PDCD10: variants seen among roughly 807,000 people sequenced by gnomAD.
PDCD10 encodes the protein programmed cell death protein 10.
In PDCD10, 4 loss-of-function variants were observed where a neutral mutation model predicts 29.2. The ratio of observed to expected loss-of-function variants is 0.14; its 90% CI spans 0.07 to 0.31. The LOEUF (loss-of-function observed/expected upper bound fraction) is 0.31. Among genes scored for constraint, PDCD10 ranks in the 10% least tolerant of loss-of-function variants. The pLI, the probability that PDCD10 is intolerant of heterozygous loss-of-function variation, is 1.00. For synonymous variants in PDCD10, 70 were observed against 82.2 expected (o/e 0.85, Z 0.80); for missense variants, 183 against 257.9 (o/e 0.71, Z 1.99).
At chr3:167,717,429 G>A (rs1442982810) in intron 3 of PDCD10, among the ~76,000 whole-genome samples, 6 of 151,902 alleles carry the variant, frequency 3.9e-5, no homozygotes, top group African/African-American at 1.2e-4. Context: ...TCCTTACTAT[G>A]GTACAATTTT....
chr3:167,713,004 GCT>G (rs1394294546), intron 3 of PDCD10, among the ~76,000 whole-genome samples: 4 of 152,036 alleles, frequency 2.6e-5, no homozygotes, highest in African/African-American at 7.2e-5. Flanking sequence ...TACAATAATA[GCT>G]GGAGACTTCA....
At chr3:167,726,784 T>C (rs545114366) in intron 2 of PDCD10, among the ~76,000 whole-genome samples, 65 of 152,066 alleles carry the variant, frequency 4.3e-4, no homozygotes, top group Admixed American at 8.5e-4. Context: ...AATTTTGCTC[T>C]GATTTGCATG....
intron 3 of PDCD10, among the ~76,000 whole-genome samples, chr3:167,709,396 G>A (rs1012964713): frequency 2.0e-5 from 3 of 152,098 alleles, no homozygotes; most frequent in Non-Finnish European, 4.4e-5. Flanking sequence ...AATAGCAGCT[G>A]TGTGGCATGG....
intron 6 of PDCD10, among the ~76,000 whole-genome samples, chr3:167,691,537 G>A (rs1038360628): frequency 5.3e-5 from 8 of 152,132 alleles, no homozygotes; most frequent in Non-Finnish European, 1.0e-4. Context: ...TTTTCAAACC[G>A]CAGCTCCCTA....
chr3:167,709,581 G>A (rs1577350456), intron 3 of PDCD10, among the ~76,000 whole-genome samples: 1 of 152,160 alleles, frequency 6.6e-6, no homozygotes, highest in East Asian at 1.9e-4. Flanking sequence ...CGATCCAAGA[G>A]GTTGGAAATT....
chr3:167,706,067 T>A (rs914150896), intron 3 of PDCD10, among the ~76,000 whole-genome samples: 1 of 152,214 alleles, frequency 6.6e-6, no homozygotes, highest in African/African-American at 2.4e-5. Flanking sequence ...ATCAGCGTTA[T>A]TAGTTCACTC....
At chr3:167,722,576 A>C (rs1018842373) in intron 2 of PDCD10, among the ~76,000 whole-genome samples, 2 of 152,214 alleles carry the variant, frequency 1.3e-5, no homozygotes, top group Non-Finnish European at 2.9e-5. Context: ...AGAGCGGAGT[A>C]CTTATATACT....
At chr3:167,697,525 G>A in intron 4 of PDCD10, among the ~76,000 whole-genome samples, 1 of 151,844 alleles carries the variant, frequency 6.6e-6, no homozygotes, top group East Asian at 1.9e-4. Context: ...CAAGGATCAA[G>A]CAATAACTCA....
At chr3:167,698,765 G>T (rs1252659820) in intron 4 of PDCD10, among the ~76,000 whole-genome samples, 2 of 151,838 alleles carry the variant, frequency 1.3e-5, no homozygotes, top group Non-Finnish European at 2.9e-5. Flanking sequence ...TGCTTGCAGG[G>T]GACAGAAAAA....
chr3:167,722,850 T>C (rs1723725673), intron 2 of PDCD10, among the ~76,000 whole-genome samples: 1 of 152,234 alleles, frequency 6.6e-6, no homozygotes, highest in Non-Finnish European at 1.5e-5. Context: ...AAATACTTAA[T>C]TTTTACCTTT....
At chr3:167,717,014 T>G (rs1723094747) in intron 3 of PDCD10, among the ~76,000 whole-genome samples, 1 of 151,976 alleles carries the variant, frequency 6.6e-6, no homozygotes, top group South Asian at 2.1e-4. Flanking sequence ...GACATGAAAT[T>G]AGGTTTCCAG....
chr3:167,731,151 C>G (rs949282933), intron 2 of PDCD10, among the ~76,000 whole-genome samples: 1 of 151,982 alleles, frequency 6.6e-6, no homozygotes, highest in Admixed American at 6.6e-5. Context: ...ATGTCTTCAG[C>G]TATAAAACAG....
intron 3 of PDCD10, among the ~76,000 whole-genome samples, chr3:167,719,632 C>T (rs905676863): frequency 6.6e-6 from 1 of 152,104 alleles, no homozygotes; most frequent in Non-Finnish European, 1.5e-5. Flanking sequence ...ATTCTGGCTA[C>T]CTAGAATGGA....
At chr3:167,693,807 T>A (rs1285303463) in intron 6 of PDCD10, among the ~76,000 whole-genome samples, 7 of 151,482 alleles carry the variant, frequency 4.6e-5, no homozygotes, top group Admixed American at 3.9e-4. Flanking sequence ...AAAAAAGAAA[T>A]TAGCTTGGTG....
chr3:167,689,429 T>C (rs1346294196), intron 6 of PDCD10, among the ~76,000 whole-genome samples: 1 of 152,222 alleles, frequency 6.6e-6, no homozygotes, highest in Non-Finnish European at 1.5e-5. Context: ...TCTTACTTTG[T>C]AGTGTATTTC....
In PDCD10 at chr3:167,684,057, C is replaced by T. The variant is rs1484220282; in HGVS notation, c.*251G>A. ...AATGTTATATAATGACACATTAAGG[C>T]GTAAATTCTTTTGGCTTATAATTCT... On this transcript the variant is annotated 3_prime_UTR_variant, in exon 9 of 9. Coordinates refer to ENST00000392750, the MANE Select transcript of PDCD10 (RefSeq NM_007217.4). 3.1e-5 allele frequency: 12 copies of T among 383,246 alleles called. No homozygotes were observed. The highest frequency in any genetic ancestry group is 2.9e-5 in the Non-Finnish European group (6 of 204,812). 23.7% of individuals were successfully genotyped at this position (383,246 alleles called of 1,614,324 possible).
At chr3:167,698,076 C>A (rs150471106) in intron 4 of PDCD10, 64 of 439,862 alleles carry the variant, frequency 1.5e-4, no homozygotes, top group African/African-American at 1.2e-3. Context: ...ACCTCCGCCT[C>A]TTCAATTCCA....
intron 3 of PDCD10, among the ~76,000 whole-genome samples, chr3:167,709,783 C>T (rs13317501): frequency 0.29 from 39,711 of 138,422 alleles, 5,611 homozygotes; most frequent in African/African-American, 0.39. Context: ...CACTCCTCCC[C>T]CAGTCCCAGG....
At chr3:167,732,924 T>C (rs1271772911) in intron 2 of PDCD10, among the ~76,000 whole-genome samples, 1 of 152,222 alleles carries the variant, frequency 6.6e-6, no homozygotes, top group East Asian at 1.9e-4. Context: ...TAATTTTCCA[T>C]TTGTTTAACT....
Sources: gnomAD v4.1 joint callset for allele counts (sites outside exome capture counted in the v4.1 genomes callset) on GRCh38, gnomAD v4.1.1 for gene constraint, MANE v1.5 for transcripts, NCBI Gene and HGNC (gene_info 2026-07-23, HGNC 2026-07-21) for gene names.